Variants in UBE2E2 observed in about 807,000 individuals in gnomAD.
UBE2E2 encodes the protein ubiquitin-conjugating enzyme E2 E2.
Under a neutral mutation model 24.7 loss-of-function variants are expected in UBE2E2, and 6 were observed. The ratio of observed to expected loss-of-function variants is 0.24; its 90% CI spans 0.13 to 0.48. The LOEUF (loss-of-function observed/expected upper bound fraction) is 0.48, where lower values mean the gene tolerates loss of function less well. Among genes scored for constraint, UBE2E2 ranks in the 20% least tolerant of loss-of-function variants. The pLI is 0.99. For missense variants in UBE2E2, 169 were observed against 245.0 expected (o/e 0.69, Z 2.07); for synonymous variants, 104 against 83.6 (o/e 1.24, Z -1.33).
At chr3:23,503,259 G>A (rs752423628) in intron 4 of UBE2E2, among the ~76,000 whole-genome samples, 7 of 151,636 alleles carry the variant, frequency 4.6e-5, no homozygotes, top group East Asian at 1.9e-4. Flanking sequence ...GCACAATCTC[G>A]GCTTACTGCA....
intron 3 of UBE2E2, chr3:23,449,754 G>A: frequency 1.8e-6 from 1 of 566,186 alleles, no homozygotes; most frequent in South Asian, 7.7e-5. Context: ...ATATAATTCT[G>A]TTTTGAATTA....
At chr3:23,526,584 T>C (rs1454343333) in intron 4 of UBE2E2, among the ~76,000 whole-genome samples, 2 of 152,024 alleles carry the variant, frequency 1.3e-5, no homozygotes, top group Admixed American at 1.3e-4. Context: ...AAGTATAGTA[T>C]TGAAGTAGGA....
intron 3 of UBE2E2, among the ~76,000 whole-genome samples, chr3:23,341,241 T>C (rs1695380759): frequency 6.6e-6 from 1 of 152,182 alleles, no homozygotes; most frequent in East Asian, 1.9e-4. Flanking sequence ...TGATGTTCCT[T>C]ATAGTAACAA....
At chr3:23,566,743 C>T (rs1696083677) in intron 5 of UBE2E2, among the ~76,000 whole-genome samples, 1 of 152,102 alleles carries the variant, frequency 6.6e-6, no homozygotes, top group African/African-American at 2.4e-5. Context: ...AGGGATCCAC[C>T]CCCCTGACCC....
chr3:23,240,331 G>T (rs928666608), intron 3 of UBE2E2, among the ~76,000 whole-genome samples: 1 of 152,112 alleles, frequency 6.6e-6, no homozygotes, highest in Non-Finnish European at 1.5e-5. Context: ...TATACTAGTG[G>T]ATTACCCAAT....
At chr3:23,255,741 A>T (rs538509130) in intron 3 of UBE2E2, among the ~76,000 whole-genome samples, 1 of 152,298 alleles carries the variant, frequency 6.6e-6, no homozygotes, top group East Asian at 1.9e-4. Flanking sequence ...GATTTAGCAA[A>T]AATCTAAACT....
At chr3:23,349,763 A>G (rs185250307) in intron 3 of UBE2E2, among the ~76,000 whole-genome samples, 9,613 of 152,324 alleles carry the variant, frequency 0.063, 464 homozygotes, top group Non-Finnish European at 0.088. Context: ...ACCACAGCCC[A>G]AGGAGGCCTG....
chr3:23,268,416 A>C (rs1466798180), intron 3 of UBE2E2, among the ~76,000 whole-genome samples: 2 of 152,150 alleles, frequency 1.3e-5, no homozygotes, highest in Non-Finnish European at 2.9e-5. Context: ...CCAGTAACAG[A>C]CAAACAGCCA....
chr3:23,588,997 G>A (rs1267553610), intron 5 of UBE2E2, among the ~76,000 whole-genome samples: 2 of 152,118 alleles, frequency 1.3e-5, no homozygotes, highest in African/African-American at 4.8e-5. Flanking sequence ...AATCTGGCAG[G>A]AGAATGCCAC....
intron 5 of UBE2E2, among the ~76,000 whole-genome samples, chr3:23,548,823 A>G (rs1174670014): frequency 1.3e-5 from 2 of 152,186 alleles, no homozygotes; most frequent in African/African-American, 4.8e-5. Context: ...CTATAACCAT[A>G]TGACTCAGCC....
At chr3:23,477,266 C>T (rs1401462280) in intron 3 of UBE2E2, among the ~76,000 whole-genome samples, 2 of 152,040 alleles carry the variant, frequency 1.3e-5, no homozygotes, top group Non-Finnish European at 2.9e-5. Flanking sequence ...TTTTTAGGAG[C>T]TTTTGTATGA....
chr3:23,266,636 C>T lies in UBE2E2; in HGVS notation c.227+49324C>T, dbSNP rs562296752. On this transcript the variant is annotated intron_variant, in intron 3 of 5. Transcript: ENST00000396703. ...TTATGTGTCTTGGAGTTGCTCTTCT[C>T]GAGGAGTATCTTTCAGAAAGTTAAG... is the stretch of plus-strand genomic sequence containing the variant. 1.1e-4 allele frequency among the ~76,000 whole-genome samples: 16 copies of T among 151,924 alleles called. No individual in the cohort carries two copies. The East Asian group carries it at 1.2e-3, about 11-fold the overall frequency.
At chr3:23,442,136 C>A (rs1409830652) in intron 3 of UBE2E2, among the ~76,000 whole-genome samples, 1 of 151,996 alleles carries the variant, frequency 6.6e-6, no homozygotes, top group Non-Finnish European at 1.5e-5. Flanking sequence ...TTAATAAAGA[C>A]CTCATTAAAC....
chr3:23,256,378 GT>G (rs1200688064), intron 3 of UBE2E2, among the ~76,000 whole-genome samples: 4 of 152,084 alleles, frequency 2.6e-5, no homozygotes, highest in Non-Finnish European at 5.9e-5. Context: ...TTATAGAACT[GT>G]TTTTATTAGC....
chr3:23,543,729 A>T (rs1695450488), intron 5 of UBE2E2, among the ~76,000 whole-genome samples: 1 of 152,192 alleles, frequency 6.6e-6, no homozygotes, highest in East Asian at 1.9e-4. Context: ...CCTAAAATTC[A>T]TATGGAACAA....
chr3:23,268,356 A>G (rs1257727704), intron 3 of UBE2E2, among the ~76,000 whole-genome samples: 3 of 151,774 alleles, frequency 2.0e-5, no homozygotes, highest in Non-Finnish European at 1.5e-5. Flanking sequence ...GCTTCAACAA[A>G]GTCTCAGGAT....
intron 4 of UBE2E2, among the ~76,000 whole-genome samples, chr3:23,531,720 T>A (rs943753660): frequency 6.6e-6 from 1 of 152,252 alleles, no homozygotes; most frequent in African/African-American, 2.4e-5. Context: ...AATATAGTTC[T>A]ATGAACTGGG....
chr3:23,352,253 T>C (rs1381951898), intron 3 of UBE2E2, among the ~76,000 whole-genome samples: 1 of 151,976 alleles, frequency 6.6e-6, no homozygotes, highest in East Asian at 1.9e-4. Flanking sequence ...GGGAAATTTA[T>C]AGCACTAAAT....
intron 2 of UBE2E2, among the ~76,000 whole-genome samples, chr3:23,213,412 A>AT (rs936595500): frequency 7.3e-5 from 11 of 151,702 alleles, no homozygotes; most frequent in South Asian, 2.1e-4. Context: ...CTCCTCTGCT[A>AT]TTTTTTTTAA....
Sources: gnomAD v4.1 joint callset for allele counts (sites outside exome capture counted in the v4.1 genomes callset) on GRCh38, gnomAD v4.1.1 for gene constraint, MANE v1.5 for transcripts, NCBI Gene and HGNC (gene_info 2026-07-23, HGNC 2026-07-21) for gene names.